The following CTIF variants were observed in gnomAD, a reference collection of about 807,000 sequenced individuals.
CTIF encodes cap binding complex dependent translation initiation factor, also known as CBP80/20-dependent translation initiation factor.
CTIF carries 21 observed loss-of-function variants against 66.0 expected under a neutral mutation model. The observed-to-expected ratio is 0.32, with a 90% CI of 0.23 to 0.46. The LOEUF is 0.46. Ranked by LOEUF, CTIF falls within the 20% of genes least tolerant of loss-of-function variation. CTIF has a pLI of 1.00. For synonymous variants in CTIF, 345 were observed against 326.4 expected (o/e 1.06, Z -0.62); for missense variants, 739 against 812.7 (o/e 0.91, Z 1.10).
chr18:48,740,438 G>A (rs898021670), intron 7 of CTIF, among the ~76,000 whole-genome samples: 6 of 152,178 alleles, frequency 3.9e-5, no homozygotes, highest in Non-Finnish European at 5.9e-5. Flanking sequence ...TGTCTCCATC[G>A]GCTGGGCCTC....
intron 1 of CTIF, among the ~76,000 whole-genome samples, chr18:48,616,153 G>A (rs1026942957): frequency 2.6e-5 from 4 of 152,176 alleles, no homozygotes; most frequent in East Asian, 1.9e-4. Flanking sequence ...TGCAAAACCC[G>A]GTTCTCCGAC....
chr18:48,763,134 C>T (rs77389586), intron 9 of CTIF, among the ~76,000 whole-genome samples: 2,253 of 152,278 alleles, frequency 0.015, 59 homozygotes, highest in African/African-American at 0.05. Context: ...AGAGAGCACC[C>T]GGCACAGGGG....
intron 9 of CTIF, among the ~76,000 whole-genome samples, chr18:48,805,907 A>C (rs551161430): frequency 2.9e-3 from 446 of 152,376 alleles, no homozygotes; most frequent in Non-Finnish European, 4.7e-3. Context: ...ACACACGTTC[A>C]TTGAACACCT....
intron 7 of CTIF, chr18:48,755,838 A>G (rs1908303344): frequency 2.0e-5 from 3 of 152,368 alleles, no homozygotes; most frequent in South Asian, 2.1e-4. Context: ...ATTGAAATAA[A>G]TATAGACAAC....
chr18:48,706,666 C>G (rs2092159125), intron 6 of CTIF, among the ~76,000 whole-genome samples: 1 of 152,166 alleles, frequency 6.6e-6, no homozygotes, highest in Non-Finnish European at 1.5e-5. Context: ...CCAGCCTCAG[C>G]CTGCCCTGGA....
At chr18:48,723,177 G>A (rs760869361) in intron 7 of CTIF, among the ~76,000 whole-genome samples, 75 of 152,180 alleles carry the variant, frequency 4.9e-4, no homozygotes, top group African/African-American at 7.9e-4. Context: ...CTCAGCTTCC[G>A]TCTGCTGGGC....
intron 7 of CTIF, among the ~76,000 whole-genome samples, chr18:48,725,694 C>A (rs1411952190): frequency 6.6e-6 from 1 of 152,122 alleles, no homozygotes; most frequent in Non-Finnish European, 1.5e-5. Context: ...TGCATTTTCA[C>A]TTGAGCCTTC....
At chr18:48,680,534 G>A (rs8096560) in intron 6 of CTIF, among the ~76,000 whole-genome samples, 2,147 of 152,368 alleles carry the variant, frequency 0.014, 56 homozygotes, top group African/African-American at 0.05. Flanking sequence ...TGGCCTGAGT[G>A]GCCCTGTCGA....
intron 1 of CTIF, among the ~76,000 whole-genome samples, chr18:48,583,729 C>T (rs1320214590): frequency 2.0e-5 from 3 of 152,122 alleles, no homozygotes; most frequent in African/African-American, 4.8e-5. Context: ...ACTGGGCAGT[C>T]GACCAGTGGG....
At chr18:48,548,353 C>T (rs2088804772) in intron 1 of CTIF, among the ~76,000 whole-genome samples, 1 of 152,194 alleles carries the variant, frequency 6.6e-6, no homozygotes, top group Non-Finnish European at 1.5e-5. Context: ...AGAAAGTGAC[C>T]TGCTAGAGAA....
chr18:48,780,569 G>A (rs951890486), intron 9 of CTIF, among the ~76,000 whole-genome samples: 6 of 152,192 alleles, frequency 3.9e-5, no homozygotes, highest in Non-Finnish European at 8.8e-5. Context: ...CGGTTCATGC[G>A]TGTCCCTCCC....
intron 10 of CTIF, among the ~76,000 whole-genome samples, chr18:48,844,492 C>T (rs986784832): frequency 2.0e-5 from 3 of 152,230 alleles, no homozygotes; most frequent in Admixed American, 6.5e-5. Flanking sequence ...CATCCACTGT[C>T]GCTACTTTGT....
chr18:48,669,542 A>G (rs1343097549), intron 5 of CTIF, among the ~76,000 whole-genome samples: 1 of 151,784 alleles, frequency 6.6e-6, no homozygotes, highest in Non-Finnish European at 1.5e-5. Context: ...TGGCTCCAGA[A>G]TCTGTGTCCT....
chr18:48,672,605 T>A (rs890383528), intron 6 of CTIF, among the ~76,000 whole-genome samples: 55 of 152,088 alleles, frequency 3.6e-4, no homozygotes, highest in African/African-American at 1.3e-3. Context: ...AGAGACTTTC[T>A]TAGACAAAAA....
intron 6 of CTIF, among the ~76,000 whole-genome samples, chr18:48,701,165 C>T (rs1186938031): frequency 6.6e-6 from 1 of 152,142 alleles, no homozygotes; most frequent in Non-Finnish European, 1.5e-5. Flanking sequence ...TCATCATGCC[C>T]AGGTGGTTTT....
intron 10 of CTIF, among the ~76,000 whole-genome samples, chr18:48,834,427 C>A (rs943864349): frequency 6.6e-6 from 1 of 152,246 alleles, no homozygotes; most frequent in Non-Finnish European, 1.5e-5. Flanking sequence ...CCATAAAAAG[C>A]AGGCCATGGC....
intron 7 of CTIF, among the ~76,000 whole-genome samples, chr18:48,734,823 G>A (rs1598949046): frequency 6.6e-6 from 1 of 152,240 alleles, no homozygotes. Flanking sequence ...AATGCTTCTC[G>A]CAAGCCTAGA....
At chr18:48,806,681 T>C (rs1197125149) in intron 9 of CTIF, among the ~76,000 whole-genome samples, 1 of 152,062 alleles carries the variant, frequency 6.6e-6, no homozygotes, top group African/African-American at 2.4e-5. Flanking sequence ...TGCTGGGTGG[T>C]GTGGGGGTGT....
intron 1 of CTIF, among the ~76,000 whole-genome samples, chr18:48,557,563 CAAT>C (rs1201329057): frequency 6.6e-6 from 1 of 152,234 alleles, no homozygotes; most frequent in East Asian, 1.9e-4. Context: ...TTAAGAGAAC[CAAT>C]ACCTCTGCTC....
Sources: allele counts gnomAD v4.1 joint callset (sites outside exome capture counted in the v4.1 genomes callset), GRCh38; gene constraint gnomAD v4.1.1; transcripts MANE v1.5; gene names NCBI Gene and HGNC (gene_info 2026-07-23, HGNC 2026-07-21).